Variants in C10orf71 observed in about 807,000 individuals in gnomAD.
The protein encoded by C10orf71 is cardiac-enriched FHL2-interacting protein.
For missense variants in C10orf71, 1,869 were observed against 1,804.5 expected (o/e 1.04, Z -0.65); for synonymous variants, 758 against 726.3 (o/e 1.04, Z -0.70).
chr10:49,325,788 G>C lies in C10orf71; in HGVS notation c.3243G>C (p.Gln1081His). Reference sequence around the variant, plus strand: ...GCAACATTTGGGAGGAGTCTTCCCAGGCCCCTGGAGGACCAGAGCTGCTTC... The same window carrying C: ...GCAACATTTGGGAGGAGTCTTCCCACGCCCCTGGAGGACCAGAGCTGCTTC... ...AASNIWEESS[Q>H]APGGPELLPE... is the part of the protein sequence containing the mutation. Residue 1081 changes from glutamine (Q) to histidine (H), a missense_variant, in exon 3 of 3, where the codon CAG (glutamine) becomes CAC (histidine). Transcript: ENST00000374144. 1 of 1,551,472 alleles carries C rather than the reference G, an allele frequency of 6.4e-7. No individual in the cohort carries two copies. Among genetic ancestry groups the C allele is most frequent in the East Asian group, 2.4e-5 (1 of 40,882 alleles).
chr10:49,300,335 C>G (rs568618439), intron 1 of C10orf71, among the ~76,000 whole-genome samples: 2 of 152,194 alleles, frequency 1.3e-5, no homozygotes, highest in Admixed American at 1.3e-4. Context: ...AAAGCTGCTT[C>G]TACACTATAT....
At chr10:49,309,190 C>A (rs532258458) in intron 1 of C10orf71, among the ~76,000 whole-genome samples, 1 of 152,334 alleles carries the variant, frequency 6.6e-6, no homozygotes, top group Admixed American at 6.5e-5. Context: ...TCACTGTTGG[C>A]TGCTATGGGC....
rs775295000 is a variant in C10orf71, at chr10:49,323,195, G to A, written c.650G>A (p.Gly217Glu). The change falls in exon 3 of 3, where the codon GGA becomes GAA. Residue 217 changes from glycine (G) to glutamate (E), a missense_variant. Coordinates refer to ENST00000374144, the MANE Select transcript of C10orf71 (RefSeq NM_001135196.2). ...AGCTACCAGCCAGGCAGGAAGCACG[G>A]AGAACAGGAGTCCTCCAAGAATCCA... Reference protein sequence around the residue: ...QNSYQPGRKHGEQESSKNPEM... With the variant: ...QNSYQPGRKHEEQESSKNPEM... The A allele has an allele frequency of 1.2e-5, 19 of 1,613,824 alleles. No individual in the cohort carries two copies. The highest frequency in any genetic ancestry group is 3.3e-5 in the Admixed American group (2 of 59,994).
At chr10:49,321,734 A>T (rs1277746274) in intron 2 of C10orf71, among the ~76,000 whole-genome samples, 1 of 152,186 alleles carries the variant, frequency 6.6e-6, no homozygotes, top group Non-Finnish European at 1.5e-5. Flanking sequence ...TTTCTTTGAT[A>T]ATAGCCATCC....
chr10:49,311,902 G>T (rs1029302957), intron 1 of C10orf71, among the ~76,000 whole-genome samples: 2 of 152,190 alleles, frequency 1.3e-5, no homozygotes, highest in African/African-American at 4.8e-5. Flanking sequence ...TTAGGAGGGG[G>T]AGAGAATTGT....
At chr10:49,300,564 C>T (rs7904925) in intron 1 of C10orf71, among the ~76,000 whole-genome samples, 2,035 of 152,046 alleles carry the variant, frequency 0.013, 55 homozygotes, top group African/African-American at 0.046. Flanking sequence ...GCCTCCTGCA[C>T]CTTCCAGGGC....
At chr10:49,318,738 C>G (rs1042629443) in intron 2 of C10orf71, among the ~76,000 whole-genome samples, 5 of 152,258 alleles carry the variant, frequency 3.3e-5, no homozygotes, top group Non-Finnish European at 7.3e-5. Flanking sequence ...TGCCAGGATG[C>G]TACCCCTAAC....
At chr10:49,306,224 C>T (rs1848811307) in intron 1 of C10orf71, among the ~76,000 whole-genome samples, 1 of 152,198 alleles carries the variant, frequency 6.6e-6, no homozygotes, top group African/African-American at 2.4e-5. Context: ...TGGCTGACTC[C>T]AGCATCGAGA....
rs1849167894 is a variant in C10orf71, at chr10:49,324,268, G to C, written c.1723G>C (p.Asp575His). Residue 575 changes from aspartate (D) to histidine (H), a missense_variant, in exon 3 of 3, where the codon GAC becomes CAC. By Grantham distance (81) the Asp-to-His change is moderately conservative (BLOSUM62 -1). Transcript: ENST00000374144. ...PTASHINPQK[D>H]PTADPSEPSA... is the part of the protein sequence containing the mutation. ...TGCATCACACATCAATCCCCAGAAG[G>C]ACCCTACAGCTGACCCCAGTGAGCC... 1 of 1,613,726 alleles carries C rather than the reference G, an allele frequency of 6.2e-7. No homozygotes were observed. The highest frequency in any genetic ancestry group is 1.3e-5 in the African/African-American group (1 of 74,876).
chr10:49,326,045 C>G lies in C10orf71; in HGVS notation c.3500C>G (p.Ala1167Gly). 1.3e-6 allele frequency: 2 copies of G among 1,551,706 alleles called. No individual in the cohort carries two copies. The highest frequency in any genetic ancestry group is 1.7e-6 in the Non-Finnish European group (2 of 1,146,988). ...LELPAQLERT[A>G]SKPPAVPPKT... ...CTTCCTGCACAGCTAGAGAGGACAG[C>G]AAGCAAGCCACCTGCAGTCCCACCC... The change falls in exon 3 of 3, where the codon GCA becomes GGA. Residue 1167 changes from alanine to glycine, a missense_variant. Physicochemically the swap from Ala to Gly is moderately conservative, Grantham distance 60. Coordinates refer to ENST00000374144, the MANE Select transcript of C10orf71 (RefSeq NM_001135196.2).
At chr10:49,302,853 C>T (rs1346826810) in intron 1 of C10orf71, among the ~76,000 whole-genome samples, 1 of 152,120 alleles carries the variant, frequency 6.6e-6, no homozygotes, top group African/African-American at 2.4e-5. Context: ...AAGCCTGTGG[C>T]TCAGAAGGGG....
chr10:49,310,909 T>A (rs1281184225), intron 1 of C10orf71, among the ~76,000 whole-genome samples: 3 of 152,120 alleles, frequency 2.0e-5, no homozygotes, highest in Non-Finnish European at 4.4e-5. Context: ...TCCCACATAT[T>A]GCGTGGGATA....
chr10:49,325,630 C>T lies in C10orf71; in HGVS notation c.3085C>T (p.Pro1029Ser). Residue 1029 changes from proline to serine, a missense_variant, in exon 3 of 3, where the codon CCA (proline) becomes TCA (serine). Physicochemically the swap from Pro to Ser is moderately conservative, Grantham distance 74. Transcript: ENST00000374144. ...QPENCWEEQT[P>S]GFKSHFLSTP... ...CGAAAACTGTTGGGAAGAGCAAACA[C>T]CAGGTTTCAAGAGTCACTTTTTGTC... is the stretch of plus-strand genomic sequence containing the variant. 6.4e-7 allele frequency: 1 copy of T among 1,552,148 alleles called. No homozygotes were observed. The highest frequency in any genetic ancestry group is 8.7e-7 in the Non-Finnish European group (1 of 1,147,096).
intron 1 of C10orf71, among the ~76,000 whole-genome samples, chr10:49,313,262 C>A (rs546379796): frequency 4.6e-5 from 7 of 152,126 alleles, no homozygotes; most frequent in East Asian, 1.9e-4. Flanking sequence ...TGGAGTTAAC[C>A]CAGTAATGAT....
At position 49,325,364 on chromosome 10, in the gene C10orf71, A is replaced by G; in HGVS notation, c.2819A>G (p.Gln940Arg). ...AACGAGGTCATGGAGGACCCTGGGCAGGGGTCGAGCATGGCCAGGATGGAG... is the reference window on the plus strand; with the variant it reads ...AACGAGGTCATGGAGGACCCTGGGCGGGGGTCGAGCATGGCCAGGATGGAG... ...MANEVMEDPGQGSSMARMEAS... is the reference protein window; with the variant it reads ...MANEVMEDPGRGSSMARMEAS... Residue 940 changes from glutamine (Q) to arginine (R), a missense_variant, in exon 3 of 3, where the codon CAG (glutamine) becomes CGG (arginine). Physicochemically the swap from Gln to Arg is conservative, Grantham distance 43 (BLOSUM62 1). Coordinates refer to ENST00000374144, the MANE Select transcript of C10orf71 (RefSeq NM_001135196.2). 1 of 1,551,718 alleles carries G rather than the reference A, an allele frequency of 6.4e-7. No homozygotes were observed.
chr10:49,313,472 G>T (rs1387026390), intron 1 of C10orf71, among the ~76,000 whole-genome samples: 1 of 152,188 alleles, frequency 6.6e-6, no homozygotes, highest in Non-Finnish European at 1.5e-5. Context: ...AAACTGGAAA[G>T]CCATCGAGAG....
chr10:49,304,900 T>C (rs1848787547), intron 1 of C10orf71, among the ~76,000 whole-genome samples: 1 of 152,226 alleles, frequency 6.6e-6, no homozygotes, highest in African/African-American at 2.4e-5. Flanking sequence ...CACTTCCTGA[T>C]CCATAAGGGG....
At chr10:49,311,124 C>A (rs2132411685) in intron 1 of C10orf71, among the ~76,000 whole-genome samples, 1 of 152,134 alleles carries the variant, frequency 6.6e-6, no homozygotes, top group South Asian at 2.1e-4. Flanking sequence ...TCTGGGTCCT[C>A]CCTCTGAGGG....
At chr10:49,315,578 A>G (rs909149647) in intron 1 of C10orf71, among the ~76,000 whole-genome samples, 7 of 152,230 alleles carry the variant, frequency 4.6e-5, no homozygotes, top group Non-Finnish European at 8.8e-5. Flanking sequence ...ATCATATTAG[A>G]AAACTGAAAG....
Sources: gnomAD v4.1 joint callset for allele counts (sites outside exome capture counted in the v4.1 genomes callset) on GRCh38, gnomAD v4.1.1 for gene constraint, MANE v1.5 for transcripts, NCBI Gene and HGNC (gene_info 2026-07-23, HGNC 2026-07-21) for gene names.